The following ELL2 variants were observed in gnomAD, a reference collection of about 807,000 sequenced individuals.
ELL2 encodes elongation factor for RNA polymerase II 2.
ELL2 carries 21 observed loss-of-function variants against 72.8 expected under a neutral mutation model. That is an observed-to-expected ratio of 0.29 (90% CI 0.20 to 0.42). The LOEUF is 0.42. ELL2 is among the 10% of genes least tolerant of loss of function. The pLI, the probability that ELL2 is intolerant of heterozygous loss-of-function variation, is 1.00. For synonymous variants in ELL2, 266 were observed against 283.2 expected, an observed-to-expected ratio of 0.94 and a Z score of 0.61; for missense variants, 568 against 772.8, an observed-to-expected ratio of 0.73 and a Z score of 3.14.
In ELL2 at chr5:95,885,318, A is replaced by G. The variant is rs1748427352; in HGVS notation, c.*3553T>C. 6.6e-6 allele frequency: 1 copy of G among 152,224 alleles called. No homozygotes were observed. Among genetic ancestry groups the G allele is most frequent in the African/African-American group, 2.4e-5 (1 of 41,450 alleles). 9.4% of individuals were successfully genotyped at this position (152,224 alleles called of 1,614,324 possible). Reference sequence around the variant, plus strand: ...CTTGTTCAATCTTCAGATTACAAATAACATTGATAGCATCTCCTGTGGCCT... The same window carrying G: ...CTTGTTCAATCTTCAGATTACAAATGACATTGATAGCATCTCCTGTGGCCT... On this transcript the variant is annotated 3_prime_UTR_variant, in exon 12 of 12. Coordinates refer to ENST00000237853, the MANE Select transcript of ELL2 (RefSeq NM_012081.6).
chr5:95,959,931 T>C (rs764298908), intron 1 of ELL2, among the ~76,000 whole-genome samples: 8 of 152,196 alleles, frequency 5.3e-5, no homozygotes, highest in Non-Finnish European at 1.0e-4. Context: ...GTTCATTTTC[T>C]ATCCAAAGCG....
rs1345227307 is a variant in ELL2 at position 95,927,732 on chromosome 5, CAT to C, written c.196-8189_196-8188del. ...ACACACACATATGTGTGTATATAGA[CAT>C]ACACACACACATATGTGTGTATATA... On this transcript the variant is annotated intron_variant, in intron 2 of 11. Coordinates refer to ENST00000237853, the MANE Select transcript of ELL2 (RefSeq NM_012081.6). 1.0e-4 allele frequency among the ~76,000 whole-genome samples: 8 copies of C among 77,808 alleles called. 1 individual carries two copies. The highest frequency in any genetic ancestry group is 1.4e-4 in the Non-Finnish European group (6 of 43,634). 51.0% of individuals were successfully genotyped at this position (77,808 alleles called of 152,430 possible).
chr5:95,930,708 G>T (rs540476466), intron 2 of ELL2, among the ~76,000 whole-genome samples: 1 of 152,322 alleles, frequency 6.6e-6, no homozygotes, highest in African/African-American at 2.4e-5. Context: ...AATGATGAGA[G>T]ACTGGAATTG....
At chr5:95,901,481 C>T (rs1253698239) in intron 5 of ELL2, among the ~76,000 whole-genome samples, 4 of 152,130 alleles carry the variant, frequency 2.6e-5, no homozygotes, top group South Asian at 2.1e-4. Context: ...CCGATGGTAA[C>T]GAACCCTATA....
intron 8 of ELL2, among the ~76,000 whole-genome samples, chr5:95,897,731 A>C (rs1748928125): frequency 6.6e-6 from 1 of 152,246 alleles, no homozygotes; most frequent in South Asian, 2.1e-4. Flanking sequence ...TTTTCACTCT[A>C]AATAAAGATG....
intron 1 of ELL2, among the ~76,000 whole-genome samples, chr5:95,951,059 G>C (rs751055803): frequency 1.2e-4 from 18 of 151,310 alleles, no homozygotes; most frequent in Non-Finnish European, 2.2e-4. Flanking sequence ...GTTAGTTACT[G>C]TGAACCAGCC....
At chr5:95,918,586 G>A (rs945384340) in intron 3 of ELL2, among the ~76,000 whole-genome samples, 1 of 152,156 alleles carries the variant, frequency 6.6e-6, no homozygotes, top group Non-Finnish European at 1.5e-5. Flanking sequence ...CATTGAGCAA[G>A]TACTTACATA....
In ELL2 at chr5:95,961,775, G is replaced by C. The variant is rs1295228685; in HGVS notation, c.-54C>G. ...CGCCGCTCCGGCTCTAGCCTCCACT[G>C]CGGCCGCGGCTGCTTGGGCTTCTGC... On this transcript the variant is annotated 5_prime_UTR_variant, in exon 1 of 12. Transcript: ENST00000237853. The C allele has an allele frequency of 3.3e-6, 5 of 1,514,216 alleles. No individual in the cohort carries two copies. Among genetic ancestry groups the C allele is most frequent in the Non-Finnish European group, 4.4e-6 (5 of 1,135,062 alleles). 93.8% of individuals were successfully genotyped at this position (1,514,216 alleles called of 1,614,324 possible).
At chr5:95,953,307 T>G (rs1208531522) in intron 1 of ELL2, among the ~76,000 whole-genome samples, 3 of 152,240 alleles carry the variant, frequency 2.0e-5, no homozygotes, top group Non-Finnish European at 2.9e-5. Flanking sequence ...AAACGAATAT[T>G]TGGTAGTTTA....
intron 1 of ELL2, among the ~76,000 whole-genome samples, chr5:95,953,390 C>A (rs1035938046): frequency 1.1e-4 from 16 of 152,206 alleles, no homozygotes; most frequent in Non-Finnish European, 2.1e-4. Context: ...TACATGGACA[C>A]TTTTTCTGGC....
At chr5:95,947,973 G>C (rs904302153) in intron 1 of ELL2, among the ~76,000 whole-genome samples, 1 of 152,078 alleles carries the variant, frequency 6.6e-6, no homozygotes, top group Non-Finnish European at 1.5e-5. Flanking sequence ...TGGAATAGTT[G>C]TATGTACTTA....
At position 95,886,688 on chromosome 5, in the gene ELL2, T is replaced by G. The variant is rs1748477314; in HGVS notation, c.*2183A>C. On this transcript the variant is annotated 3_prime_UTR_variant, in exon 12 of 12. Coordinates refer to ENST00000237853, the MANE Select transcript of ELL2 (RefSeq NM_012081.6). ...AAAAAAAAAAAGCCAATAGTTGACC[T>G]TCAGTTCAAGATTTCAAGATTTACA... 1 of 149,764 alleles carries G rather than the reference T, an allele frequency of 6.7e-6. No homozygotes were observed. The highest frequency in any genetic ancestry group is 2.5e-5 in the African/African-American group (1 of 40,630). The allele number at this position is 149,764 out of a possible 1,614,324, so 9.3% of individuals were successfully genotyped here. A position where few individuals can be genotyped will look rare whatever the true frequency, so the allele number is the denominator to read the frequency against.
intron 4 of ELL2, among the ~76,000 whole-genome samples, chr5:95,911,073 G>C (rs984229680): frequency 2.0e-5 from 3 of 152,296 alleles, no homozygotes; most frequent in African/African-American, 7.2e-5. Context: ...AATAAGTGCT[G>C]GGTTTTGTTA....
Position 95,900,798 on chromosome 5 carries a change from G to C in ELL2, c.867-18C>G. ...TTAGTTTTCTGTAAAGGACACACAT[G>C]TTATGTGTTAAGGAGATGATTTAAA... On this transcript the variant is annotated intron_variant, in intron 6 of 11. Coordinates refer to ENST00000237853, the MANE Select transcript of ELL2 (RefSeq NM_012081.6). 6.3e-7 allele frequency: 1 copy of C among 1,591,768 alleles called. No individual in the cohort carries two copies. The highest frequency in any genetic ancestry group is 1.4e-5 in the African/African-American group (1 of 73,926).
intron 7 of ELL2, among the ~76,000 whole-genome samples, chr5:95,900,017 G>A (rs1749074909): frequency 6.6e-6 from 1 of 152,164 alleles, no homozygotes; most frequent in Non-Finnish European, 1.5e-5. Context: ...GGAAGACACT[G>A]TGTCAGCAGT....
chr5:95,941,337 C>T (rs1293381118), intron 2 of ELL2, among the ~76,000 whole-genome samples: 1 of 152,262 alleles, frequency 6.6e-6, no homozygotes, highest in Non-Finnish European at 1.5e-5. Context: ...ACACATGGAA[C>T]AGGAAAGCTA....
chr5:95,934,477 C>T (rs1278102811), intron 2 of ELL2, among the ~76,000 whole-genome samples: 1 of 152,164 alleles, frequency 6.6e-6, no homozygotes, highest in African/African-American at 2.4e-5. Flanking sequence ...TTTCCTAGGA[C>T]ACTTTACAAT....
chr5:95,915,347 G>T (rs1269014089), intron 3 of ELL2, among the ~76,000 whole-genome samples: 1 of 152,192 alleles, frequency 6.6e-6, no homozygotes, highest in African/African-American at 2.4e-5. Flanking sequence ...ATGAACACTC[G>T]CCTTGGCCTC....
intron 7 of ELL2, 39 bp from the exon 8 acceptor site, chr5:95,898,849 C>T: frequency 6.9e-7 from 1 of 1,443,668 alleles, no homozygotes; most frequent in Non-Finnish European, 9.2e-7. Flanking sequence ...CCAGTTTGCA[C>T]TAAAATTAAA....
Sources: gnomAD v4.1 joint callset for allele counts (sites outside exome capture counted in the v4.1 genomes callset) on GRCh38, gnomAD v4.1.1 for gene constraint, MANE v1.5 for transcripts, NCBI Gene and HGNC (gene_info 2026-07-23, HGNC 2026-07-21) for gene names.